DAAM2: variants seen among roughly 807,000 people sequenced by gnomAD.
The protein encoded by DAAM2 is disheveled-associated activator of morphogenesis 2.
Under a neutral mutation model 120.7 loss-of-function variants are expected in DAAM2, and 39 were observed. The ratio of observed to expected loss-of-function variants is 0.32; its 90% CI spans 0.25 to 0.42. The LOEUF (loss-of-function observed/expected upper bound fraction) is 0.42. DAAM2 is among the 10% of genes least tolerant of loss of function. The pLI is 1.00. For missense variants in DAAM2, 1,283 were observed against 1,401.7 expected (o/e 0.92, Z 1.35); for synonymous variants, 488 against 524.9 (o/e 0.93, Z 0.96).
intron 10 of DAAM2, among the ~76,000 whole-genome samples, chr6:39,873,560 G>C (rs549206339): frequency 6.6e-6 from 1 of 152,364 alleles, no homozygotes; most frequent in Admixed American, 6.5e-5. Context: ...ATCTGGGGAA[G>C]GAGCTGGGGA....
rs190040050 is a variant in DAAM2 at position 39,800,482 on chromosome 6, G to A, written c.-57+8017G>A. 2.0e-5 allele frequency among the ~76,000 whole-genome samples: 3 copies of A among 152,356 alleles called. No homozygotes were observed. The East Asian group carries it at 5.8e-4, about 29-fold the overall frequency. On this transcript the variant is annotated intron_variant, in intron 1 of 24. Coordinates refer to ENST00000274867, the MANE Select transcript of DAAM2 (RefSeq NM_001201427.2). ...TTGATGGAGCAAATCGGGCAGCATAGTATAATGGCCAAGCATGTGGGCCCT... is the reference window on the plus strand; with the variant it reads ...TTGATGGAGCAAATCGGGCAGCATAATATAATGGCCAAGCATGTGGGCCCT...
rs554065385 is a variant in DAAM2, at chr6:39,868,513, C to T, written c.763-310C>T. 5 of 352,322 alleles carry T rather than the reference C, an allele frequency of 1.4e-5. No homozygotes were observed. In the East Asian group the frequency reaches 2.7e-4, roughly 19 times the overall value. The allele number at this position is 352,322 out of a possible 1,614,324, so 21.8% of individuals were successfully genotyped here. On this transcript the variant is annotated intron_variant, in intron 6 of 24. Transcript: ENST00000274867. ...CCATAAATGAGCTAGGCAGGGAATA[C>T]ATATGAGCTGTAAACAGCTGGAGCA...
chr6:39,897,108 T>A, intron 20 of DAAM2, 67 bp from the exon 21 acceptor site: 1 of 1,507,410 alleles, frequency 6.6e-7, no homozygotes, highest in Middle Eastern at 1.7e-4. Context: ...CACTCCATCC[T>A]CTGACCCTCT....
intron 1 of DAAM2, among the ~76,000 whole-genome samples, chr6:39,807,654 T>C (rs1248285124): frequency 6.6e-6 from 1 of 152,098 alleles, no homozygotes; most frequent in East Asian, 1.9e-4. Flanking sequence ...GTAGCTGGGA[T>C]TACAGGCGAG....
Position 39,840,048 on chromosome 6 carries a change from G to A in DAAM2, c.-56-16199G>A, listed in dbSNP as rs141894398. ...TTGATACCAGCCTGGGCAACATGGTGAAACCCTGTCTCTACACAAAATCCA... is the reference window on the plus strand; with the variant it reads ...TTGATACCAGCCTGGGCAACATGGTAAAACCCTGTCTCTACACAAAATCCA... On this transcript the variant is annotated intron_variant, in intron 1 of 24. Coordinates refer to ENST00000274867, the MANE Select transcript of DAAM2 (RefSeq NM_001201427.2). Among the ~76,000 whole-genome samples, 167 of 152,240 alleles carry A rather than the reference G, an allele frequency of 1.1e-3. 1 individual carries two copies. The highest frequency in any genetic ancestry group is 3.6e-3 in the African/African-American group (149 of 41,546).
At chr6:39,804,548 G>GTGTGTGTGTGTA (rs1761956402) in intron 1 of DAAM2, among the ~76,000 whole-genome samples, 1 of 151,920 alleles carries the variant, frequency 6.6e-6, no homozygotes, top group Admixed American at 6.6e-5. Context: ...GTGTGTGTGT[G>GTGTGTGTGTGTA]TGTGTATGCA....
At chr6:39,871,427 C>A in intron 8 of DAAM2, 79 bp from the exon 9 acceptor site, 1 of 1,323,642 alleles carries the variant, frequency 7.6e-7, no homozygotes, top group Non-Finnish European at 1.1e-6. Flanking sequence ...CAGTGGGGGG[C>A]TCGAAGGGGC....
intron 1 of DAAM2, among the ~76,000 whole-genome samples, chr6:39,824,108 G>T (rs1158494000): frequency 6.6e-6 from 1 of 152,108 alleles, no homozygotes; most frequent in Non-Finnish European, 1.5e-5. Flanking sequence ...TCAGCTCTGG[G>T]GGCCTTCTGT....
Position 39,903,957 on chromosome 6 carries a change from G to A in DAAM2, c.*1920G>A. 2.9e-6 allele frequency: 1 copy of A among 348,664 alleles called. No homozygotes were observed. The highest frequency in any genetic ancestry group is 5.6e-6 in the Non-Finnish European group (1 of 178,692). 21.6% of individuals were successfully genotyped at this position (348,664 alleles called of 1,614,324 possible). On this transcript the variant is annotated 3_prime_UTR_variant, in exon 25 of 25. Transcript: ENST00000274867. ...GAGAGTTTGGCTATATGCATCTGCA[G>A]CCCCAAGAGCTCCCACTGCAAGACA... is the stretch of plus-strand genomic sequence containing the variant.
At chr6:39,846,264 G>T (rs1225356703) in intron 1 of DAAM2, among the ~76,000 whole-genome samples, 2 of 152,126 alleles carry the variant, frequency 1.3e-5, no homozygotes, top group African/African-American at 2.4e-5. Context: ...ATCAATGGTG[G>T]TTGGATGAAT....
intron 1 of DAAM2, among the ~76,000 whole-genome samples, chr6:39,814,076 T>C (rs966253422): frequency 1.3e-5 from 2 of 152,218 alleles, no homozygotes; most frequent in Non-Finnish European, 2.9e-5. Context: ...ATGGGCTGCA[T>C]GCGGCCCAGG....
chr6:39,812,641 T>A (rs1008737562), intron 1 of DAAM2, among the ~76,000 whole-genome samples: 3 of 101,512 alleles, frequency 3.0e-5, no homozygotes, highest in Admixed American at 1.1e-4. Flanking sequence ...TGGTGACCTC[T>A]GACTGTGGAG....
At chr6:39,798,945 A>G (rs868684459) in intron 1 of DAAM2, among the ~76,000 whole-genome samples, 51 of 152,296 alleles carry the variant, frequency 3.3e-4, no homozygotes, top group Middle Eastern at 6.8e-3. Context: ...ACAGCTCATA[A>G]AAGTCAAATT....
intron 15 of DAAM2, chr6:39,884,952 A>C (rs951981419): frequency 6.6e-6 from 1 of 152,256 alleles, no homozygotes; most frequent in South Asian, 2.1e-4. Flanking sequence ...TAGAAGCCTC[A>C]GGGAATTGCT....
Position 39,795,415 on chromosome 6 carries a change from G to GA in DAAM2, c.-57+2951dup, listed in dbSNP as rs35398343. 2.6e-3 allele frequency among the ~76,000 whole-genome samples: 393 copies of GA among 152,312 alleles called. 3 individuals carry two copies. Among genetic ancestry groups the GA allele is most frequent in the African/African-American group, 9.2e-3 (381 of 41,556 alleles). On this transcript the variant is annotated intron_variant, in intron 1 of 24. Transcript: ENST00000274867. ...GCAGATTTCTGATCAGCTGCCTGGA[G>GA]AGAGAGAACTGTGACCTAAATACGA...
chr6:39,888,090 T>A (rs1237812901), intron 16 of DAAM2: 1 of 160,740 alleles, frequency 6.2e-6, no homozygotes, highest in East Asian at 1.8e-4. Context: ...CACTTGATGG[T>A]GGAAAGAGTT....
chr6:39,878,945 C>T lies in DAAM2; in HGVS notation c.1546-233C>T, dbSNP rs550680871. Among the ~76,000 whole-genome samples, 2 of 152,054 alleles carry T rather than the reference C, an allele frequency of 1.3e-5. No homozygotes were observed. The highest frequency in any genetic ancestry group is 4.8e-5 in the African/African-American group (2 of 41,462). The stretch of plus-strand genomic sequence containing the variant: ...TTGTGATGGCTATGACTCTGATTGT[C>T]CAGTGTCCGTGTGCGTGACGTGTGT... On this transcript the variant is annotated intron_variant, in intron 13 of 24. Coordinates refer to ENST00000274867, the MANE Select transcript of DAAM2 (RefSeq NM_001201427.2). This position sits in a 1 kb window ranked among gnomAD's most constrained non-coding sequence, Gnocchi z 5.0.
chr6:39,814,527 AAAGTT>A (rs1398905007), intron 1 of DAAM2, among the ~76,000 whole-genome samples: 2 of 152,236 alleles, frequency 1.3e-5, no homozygotes, highest in African/African-American at 2.4e-5. Context: ...TTTGGAAACT[AAAGTT>A]TAGAACAGCT....
chr6:39,846,699 CTTTT>C (rs11359144), intron 1 of DAAM2, among the ~76,000 whole-genome samples: 2 of 140,624 alleles, frequency 1.4e-5, no homozygotes, highest in Non-Finnish European at 1.6e-5. Flanking sequence ...CACATCCACG[CTTTT>C]TTTTTTTTTT....
Sources: gnomAD v4.1 joint callset for allele counts (sites outside exome capture counted in the v4.1 genomes callset) on GRCh38, gnomAD v4.1.1 for gene constraint, Gnocchi (gnomAD v3.1) non-coding constraint, MANE v1.5 for transcripts, NCBI Gene and HGNC (gene_info 2026-07-23, HGNC 2026-07-21) for gene names.